The following STK35 variants were observed in gnomAD, a reference collection of about 807,000 sequenced individuals.
STK35 encodes serine/threonine kinase 35.
A neutral mutation model predicts 37.3 loss-of-function variants in STK35; 17 were observed. That is an observed-to-expected ratio of 0.46 (90% confidence interval 0.31 to 0.68). STK35 has a LOEUF of 0.68. Among genes scored for constraint, STK35 ranks in the 30% least tolerant of loss-of-function variants. The probability of loss-of-function intolerance (pLI) is 0.05; values close to 1 mark genes in which losing one functional copy is unlikely to be tolerated. For missense variants in STK35, 595 were observed against 746.7 expected (o/e 0.80, Z 2.37); for synonymous variants, 385 against 319.1 (o/e 1.21, Z -2.20).
chr20:2,127,256 G>GTT (rs567328826), intron 3 of STK35, among the ~76,000 whole-genome samples: 23 of 146,116 alleles, frequency 1.6e-4, no homozygotes, highest in Admixed American at 1.4e-3. Flanking sequence ...GCACCCCTTT[G>GTT]TTTTTTTTTT....
At chr20:2,120,524 A>G (rs57237053) in intron 3 of STK35, among the ~76,000 whole-genome samples, 8,892 of 152,296 alleles carry the variant, frequency 0.058, 340 homozygotes, top group Admixed American at 0.11. Flanking sequence ...GACCAGAGCC[A>G]AACCCTGTGT....
Position 2,101,977 on chromosome 20 carries a change from G to C in STK35, c.96G>C (p.Val32=), listed in dbSNP as rs778717061. 6.6e-7 allele frequency: 1 copy of C among 1,525,130 alleles called. No individual in the cohort carries two copies. Among genetic ancestry groups the C allele is most frequent in the African/African-American group, 1.4e-5 (1 of 72,250 alleles). The allele number at this position is 1,525,130 out of a possible 1,614,324, so 94.5% of individuals were successfully genotyped here. ...LCKGLSWREH[V]ESHGSLGAQA... ...AAGGGCTCAGCTGGCGCGAACACGT[G>C]GAAAGCCACGGGAGCCTAGGAGCCC... Residue 32 remains valine (V), a synonymous_variant, in exon 1 of 4, where the codon GTG becomes GTC. Coordinates refer to ENST00000381482, the MANE Select transcript of STK35 (RefSeq NM_080836.4).
chr20:2,103,578 C>T (rs1222161332), intron 2 of STK35, among the ~76,000 whole-genome samples: 4 of 152,144 alleles, frequency 2.6e-5, no homozygotes, highest in Admixed American at 6.5e-5. Flanking sequence ...GCTGGTGTTT[C>T]CATAACAAGA....
At chr20:2,130,858 C>T (rs1985987701) in intron 3 of STK35, among the ~76,000 whole-genome samples, 2 of 151,504 alleles carry the variant, frequency 1.3e-5, no homozygotes, top group South Asian at 4.1e-4. Flanking sequence ...TGGAGTCACT[C>T]CTTTGGCCAT....
chr20:2,116,391 T>C (rs1985717428), intron 2 of STK35, among the ~76,000 whole-genome samples: 1 of 152,092 alleles, frequency 6.6e-6, no homozygotes, highest in South Asian at 2.1e-4. Context: ...ACTCCCTGTT[T>C]GGAGACAGTA....
At chr20:2,116,495 C>T (rs1213572814) in intron 2 of STK35, among the ~76,000 whole-genome samples, 171 bp from the exon 3 acceptor site, 1 of 152,174 alleles carries the variant, frequency 6.6e-6, no homozygotes, top group East Asian at 1.9e-4. Flanking sequence ...TGACACCAGT[C>T]CCTGGTGCCT....
intron 3 of STK35, among the ~76,000 whole-genome samples, chr20:2,129,635 C>CAGTG (rs1382976335): frequency 1.3e-5 from 2 of 152,132 alleles, no homozygotes; most frequent in Non-Finnish European, 2.9e-5. Context: ...GTGGTCCTCA[C>CAGTG]CCTTGAGGCA....
intron 3 of STK35, among the ~76,000 whole-genome samples, chr20:2,138,690 T>C (rs1452970554): frequency 2.0e-5 from 3 of 152,114 alleles, no homozygotes; most frequent in Non-Finnish European, 4.4e-5. Flanking sequence ...TTAAAACCAT[T>C]CCTACTTACT....
At chr20:2,105,865 A>C (rs1053001550) in intron 2 of STK35, among the ~76,000 whole-genome samples, 4 of 152,222 alleles carry the variant, frequency 2.6e-5, no homozygotes, top group African/African-American at 9.7e-5. Flanking sequence ...TGGTGTTTTC[A>C]TCCTCCCTTT....
chr20:2,109,758 A>C (rs542589695), intron 2 of STK35, among the ~76,000 whole-genome samples: 1 of 152,268 alleles, frequency 6.6e-6, no homozygotes, highest in Non-Finnish European at 1.5e-5. Context: ...GCCTTAGAGC[A>C]GTCCAGTGCT....
Position 2,146,754 on chromosome 20 carries a change from A to C in STK35, c.*3008A>C, listed in dbSNP as rs2122599985. 6.5e-6 allele frequency: 1 copy of C among 152,804 alleles called. No homozygotes were observed. The highest frequency in any genetic ancestry group is 1.5e-5 in the Non-Finnish European group (1 of 68,206). The allele number at this position is 152,804 out of a possible 1,614,324, so 9.5% of individuals were successfully genotyped here. A position where few individuals can be genotyped will look rare whatever the true frequency, so the allele number is the denominator to read the frequency against. ...TCCTGAGGGCTGTAGCCAGGTCCGC[A>C]TCTCCCCACCACCACCAGGGCACTC... On this transcript the variant is annotated 3_prime_UTR_variant, in exon 4 of 4. Coordinates refer to ENST00000381482, the MANE Select transcript of STK35 (RefSeq NM_080836.4).
At chr20:2,128,632 C>T (rs915909462) in intron 3 of STK35, among the ~76,000 whole-genome samples, 1 of 152,100 alleles carries the variant, frequency 6.6e-6, no homozygotes, top group African/African-American at 2.4e-5. Flanking sequence ...CCGTGGGCTT[C>T]CCTGGGGAAG....
intron 3 of STK35, among the ~76,000 whole-genome samples, chr20:2,118,793 C>T (rs1985765979): frequency 6.6e-6 from 1 of 152,156 alleles, no homozygotes; most frequent in Non-Finnish European, 1.5e-5. Context: ...TGTTTAGATA[C>T]ACAAAAACTT....
At position 2,117,254 on chromosome 20, in the gene STK35, G is replaced by A. The variant is rs767166587; in HGVS notation, c.1481G>A (p.Arg494His). The change falls in exon 3 of 4, where the codon CGC (arginine) becomes CAC (histidine). Residue 494 changes from arginine to histidine, a missense_variant. Physicochemically the swap from Arg to His is conservative, Grantham distance 29. Around this residue, in one of 3 missense-constraint regions of STK35, gnomAD observed 109 missense variants for 280.3 expected, o/e 0.39. Coordinates refer to ENST00000381482, the MANE Select transcript of STK35 (RefSeq NM_080836.4). This position sits in a 1 kb window ranked among gnomAD's most constrained non-coding sequence, Gnocchi z 4.4. Reference sequence around the variant, plus strand: ...ATGGAGTTGCACATCCCCCAAAAACGCAGGACTTCCATGTCTGAGGGGATC... The same window carrying A: ...ATGGAGTTGCACATCCCCCAAAAACACAGGACTTCCATGTCTGAGGGGATC... Reference protein sequence around the residue: ...PKMELHIPQKRRTSMSEGIKQ... With the variant: ...PKMELHIPQKHRTSMSEGIKQ... 33 of 1,614,034 alleles carry A rather than the reference G, an allele frequency of 2.0e-5. No individual in the cohort carries two copies. The highest frequency in any genetic ancestry group is 2.8e-5 in the Non-Finnish European group (33 of 1,180,040).
chr20:2,118,174 G>A (rs1985752725), intron 3 of STK35, among the ~76,000 whole-genome samples: 1 of 152,002 alleles, frequency 6.6e-6, no homozygotes, highest in African/African-American at 2.4e-5. Context: ...ATTCCTCCAT[G>A]TCATACTTTA....
chr20:2,134,154 G>A (rs1986045048), intron 3 of STK35, among the ~76,000 whole-genome samples: 1 of 151,992 alleles, frequency 6.6e-6, no homozygotes, highest in Non-Finnish European at 1.5e-5. Flanking sequence ...TAGCTATTGG[G>A]GAGGCTGAAG....
Position 2,138,491 on chromosome 20 carries a change from G to A in STK35, c.*38-5293G>A, listed in dbSNP as rs146858691. Among the ~76,000 whole-genome samples the A allele has an allele frequency of 1.9e-3, 294 of 152,280 alleles. 2 individuals carry two copies. The highest frequency in any genetic ancestry group is 0.01 in the Middle Eastern group (3 of 294). On this transcript the variant is annotated intron_variant, in intron 3 of 3. Transcript: ENST00000381482. Reference sequence around the variant, plus strand: ...ATGCCCATTTTCTAGTTTAGGAGAAGGAGATCATGGAAGTAGCTAGTAAAT... The same window carrying A: ...ATGCCCATTTTCTAGTTTAGGAGAAAGAGATCATGGAAGTAGCTAGTAAAT...
intron 2 of STK35, among the ~76,000 whole-genome samples, chr20:2,112,834 CT>C (rs1299826660): frequency 6.6e-6 from 1 of 152,246 alleles, no homozygotes; most frequent in African/African-American, 2.4e-5. Context: ...TCTTATACAA[CT>C]GTCAGATTAT....
chr20:2,109,776 T>G (rs187433919), intron 2 of STK35, among the ~76,000 whole-genome samples: 223 of 152,350 alleles, frequency 1.5e-3, no homozygotes, highest in Non-Finnish European at 2.9e-3. Flanking sequence ...GCTGTAGGTG[T>G]TTCTTCTCAA....
Sources: allele counts gnomAD v4.1 joint callset (sites outside exome capture counted in the v4.1 genomes callset), GRCh38; gene constraint gnomAD v4.1.1; regional missense constraint gnomAD v4.1.1; non-coding constraint Gnocchi (gnomAD v3.1); transcripts MANE v1.5; gene names NCBI Gene and HGNC (gene_info 2026-07-23, HGNC 2026-07-21).